Variants in MYO16 observed in about 807,000 individuals in gnomAD.
MYO16 encodes the protein unconventional myosin-XVI.
In MYO16, 94 loss-of-function variants were observed where a neutral mutation model predicts 205.3. That is an observed-to-expected ratio of 0.46 (90% confidence interval 0.39 to 0.54). MYO16 has a LOEUF of 0.54. Among genes scored for constraint, MYO16 ranks in the 20% least tolerant of loss-of-function variants. The pLI is 0.00. For synonymous variants in MYO16, 988 were observed against 954.0 expected, an observed-to-expected ratio of 1.04 and a Z score of -0.66; for missense variants, 2,315 against 2,387.5, an observed-to-expected ratio of 0.97 and a Z score of 0.63.
At chr13:109,170,544 A>G (rs1036829543) in intron 33 of MYO16, among the ~76,000 whole-genome samples, 21 of 152,024 alleles carry the variant, frequency 1.4e-4, no homozygotes, top group South Asian at 2.1e-4. Flanking sequence ...GCAATTTAAA[A>G]AAAAAAGGAG....
rs774342164 is a variant in MYO16 at position 109,125,267 on chromosome 13, C to G, written c.3691C>G (p.Arg1231Gly). Residue 1231 changes from arginine to glycine, a missense_variant, in exon 30 of 35, where the codon CGG becomes GGG. This residue lies in a region of MYO16 where 1,097 missense variants were observed against 1,092.0 expected (regional missense o/e 1.00). Transcript: ENST00000457511. The surrounding 1 kb of genome is among the most constrained non-coding windows in gnomAD (Gnocchi z 4.0). ...LVIQNASDIA[R>G]ENDRLRSEMN... is the part of the protein sequence containing the mutation. ...CATTCAGAATGCTTCAGACATTGCCCGGGAAAATGACCGGCTCCGTAGTGA... is the reference window on the plus strand; with the variant it reads ...CATTCAGAATGCTTCAGACATTGCCGGGGAAAATGACCGGCTCCGTAGTGA... 1 of 1,614,048 alleles carries G rather than the reference C, an allele frequency of 6.2e-7. No individual in the cohort carries two copies. Among genetic ancestry groups the G allele is most frequent in the Non-Finnish European group, 8.5e-7 (1 of 1,180,014 alleles).
intron 1 of MYO16, among the ~76,000 whole-genome samples, chr13:108,640,539 G>C (rs1594167227): frequency 6.6e-6 from 1 of 152,170 alleles, no homozygotes; most frequent in South Asian, 2.1e-4. Context: ...CACATGAGCA[G>C]TGTTAAATTT....
intron 4 of MYO16, among the ~76,000 whole-genome samples, chr13:108,729,019 TA>T (rs1393542966): frequency 6.6e-6 from 1 of 151,102 alleles, no homozygotes; most frequent in Non-Finnish European, 1.5e-5. Flanking sequence ...TATATGTCAC[TA>T]AAAGTGTATT....
intron 4 of MYO16, among the ~76,000 whole-genome samples, chr13:108,753,363 T>C (rs1594266062): frequency 4.3e-5 from 3 of 69,154 alleles, no homozygotes; most frequent in Admixed American, 2.0e-4. Context: ...AGAGCAAAAC[T>C]CTGTGACAAA....
intron 2 of MYO16, among the ~76,000 whole-genome samples, chr13:108,711,380 A>G (rs1360258971): frequency 1.3e-5 from 2 of 152,276 alleles, no homozygotes; most frequent in Admixed American, 6.5e-5. Flanking sequence ...TCATCAAAGG[A>G]AAGTCCCTTG....
intron 1 of MYO16, among the ~76,000 whole-genome samples, chr13:108,632,169 C>A (rs1256521940): frequency 6.6e-6 from 1 of 151,056 alleles, no homozygotes; most frequent in African/African-American, 2.4e-5. Flanking sequence ...AATGGTTGTT[C>A]CTGATGCGTA....
At chr13:108,872,220 C>A (rs1310670975) in intron 12 of MYO16, among the ~76,000 whole-genome samples, 1 of 152,108 alleles carries the variant, frequency 6.6e-6, no homozygotes, top group Non-Finnish European at 1.5e-5. Flanking sequence ...AACAGTGAGA[C>A]AAAAGTCAGC....
intron 2 of MYO16, among the ~76,000 whole-genome samples, chr13:108,701,807 T>C (rs1883318099): frequency 6.6e-6 from 1 of 152,046 alleles, no homozygotes; most frequent in East Asian, 1.9e-4. Context: ...AAGAAAATTA[T>C]GTCTAAATCG....
chr13:108,736,857 A>G (rs975392738), intron 4 of MYO16, among the ~76,000 whole-genome samples: 5 of 152,176 alleles, frequency 3.3e-5, no homozygotes, highest in African/African-American at 1.2e-4. Flanking sequence ...GATCCTTCAC[A>G]TCCCTTGTAA....
intron 4 of MYO16, among the ~76,000 whole-genome samples, chr13:108,773,820 T>G (rs555165997): frequency 8.2e-6 from 1 of 121,274 alleles, no homozygotes; most frequent in East Asian, 3.3e-4. Flanking sequence ...TGTGTTAGCA[T>G]GTAAAAAAAA....
the MYO16 span, among the ~76,000 whole-genome samples, chr13:108,550,711 A>G: frequency 6.6e-6 from 1 of 152,202 alleles, no homozygotes; most frequent in African/African-American, 2.4e-5. Context: ...TCTTAGACCT[A>G]CCAAAGCTAT....
chr13:108,629,397 A>G (rs1879870760), upstream of MYO16: 1 of 155,390 alleles, frequency 6.4e-6, no homozygotes, highest in Admixed American at 6.5e-5. Context: ...GGATCCTTCT[A>G]TCCGTGGCTT....
chr13:109,018,257 G>A (rs9559461), intron 22 of MYO16, among the ~76,000 whole-genome samples: 17,461 of 152,156 alleles, frequency 0.11, 1,069 homozygotes, highest in East Asian at 0.21. Context: ...TTTGTTGGAG[G>A]TCCACTCCAG....
chr13:108,961,560 A>G lies in MYO16; in HGVS notation c.2059A>G (p.Ile687Val). The change falls in exon 18 of 35, where the codon ATT (isoleucine) becomes GTT (valine). Residue 687 changes from isoleucine to valine, a missense_variant. Around this residue, in one of 3 missense-constraint regions of MYO16, gnomAD observed 1,213 missense variants for 1,274.4 expected, o/e 0.95. Transcript: ENST00000457511. Reference protein sequence around the residue: ...SSLEVENLFVILAAILHLGDI... With the variant: ...SSLEVENLFVVLAAILHLGDI... ...ATAGGAGGTGGAGAATCTGTTCGTA[A>G]TTCTAGCAGCAATATTGCACCTTGG... 1 of 1,613,940 alleles carries G rather than the reference A, an allele frequency of 6.2e-7. No homozygotes were observed. The highest frequency in any genetic ancestry group is 8.5e-7 in the Non-Finnish European group (1 of 1,179,864).
At chr13:109,076,278 T>C (rs560338330) in intron 27 of MYO16, among the ~76,000 whole-genome samples, 1 of 152,214 alleles carries the variant, frequency 6.6e-6, no homozygotes, top group Non-Finnish European at 1.5e-5. Context: ...CTTATTTCCT[T>C]CCTTCTTCTT....
the MYO16 span, among the ~76,000 whole-genome samples, chr13:108,585,310 A>C: frequency 6.6e-6 from 1 of 152,342 alleles, no homozygotes; most frequent in South Asian, 2.1e-4. Flanking sequence ...GAAAGGCGAG[A>C]CAACTCAAAG....
rs143986353 is a variant in MYO16, at chr13:109,206,626, G to T, written c.5433G>T (p.Arg1811Ser). Reference sequence around the variant, plus strand: ...TCCCACAGGTAATCCATCAGCTGAGGCTCTCAGAGAATGAAAGTGTGGCCC... The same window carrying T: ...TCCCACAGGTAATCCATCAGCTGAGTCTCTCAGAGAATGAAAGTGTGGCCC... The part of the protein sequence containing the change: ...SHTTQVIHQL[R>S]LSENESVALQ... The change falls in exon 35 of 35, where the codon AGG (arginine) becomes AGT (serine). Residue 1811 changes from arginine to serine, a missense_variant. Around this residue, in one of 3 missense-constraint regions of MYO16, gnomAD observed 1,097 missense variants for 1,092.0 expected, o/e 1.00. Coordinates refer to ENST00000457511, the MANE Select transcript of MYO16 (RefSeq NM_001198950.3). 6.2e-7 allele frequency: 1 copy of T among 1,613,328 alleles called. No individual in the cohort carries two copies. Among genetic ancestry groups the T allele is most frequent in the South Asian group, 1.1e-5 (1 of 91,050 alleles).
intron 7 of MYO16, among the ~76,000 whole-genome samples, chr13:108,816,788 C>T (rs1395129656): frequency 6.6e-6 from 1 of 152,124 alleles, no homozygotes; most frequent in Admixed American, 6.6e-5. Context: ...TCCTGAACAC[C>T]ACTTGGTCTC....
Position 109,076,402 on chromosome 13 carries a change from T to TTAAATG in MYO16, c.3335+20808_3335+20809insAAATGT, listed in dbSNP as rs1173282669. ...TTTAATGTAAACTTCCCTCTGTTTG[T>TTAAATG]TGAAACAACACAGAGTTGATGGTGT... On this transcript the variant is annotated intron_variant, in intron 27 of 34. Transcript: ENST00000457511. Among the ~76,000 whole-genome samples the TTAAATG allele has an allele frequency of 4.6e-5, 7 of 152,266 alleles. No individual in the cohort carries two copies. In the East Asian group the frequency reaches 1.4e-3, roughly 29 times the overall value.
Sources: gnomAD v4.1 joint callset for allele counts (sites outside exome capture counted in the v4.1 genomes callset) on GRCh38, gnomAD v4.1.1 for gene constraint, gnomAD v4.1.1 regional missense constraint, Gnocchi (gnomAD v3.1) non-coding constraint, MANE v1.5 for transcripts, NCBI Gene and HGNC (gene_info 2026-07-23, HGNC 2026-07-21) for gene names.